Variants in ANKRD10 observed in about 807,000 individuals in gnomAD.
The protein encoded by ANKRD10 is ankyrin repeat domain-containing protein 10.
Under a neutral mutation model 27.0 loss-of-function variants are expected in ANKRD10, and 14 were observed. The observed-to-expected ratio is 0.52, with a 90% CI of 0.34 to 0.81. The LOEUF is 0.81. Ranked by LOEUF, ANKRD10 falls within the 40% of genes least tolerant of loss-of-function variation. The pLI, the probability that ANKRD10 is intolerant of heterozygous loss-of-function variation, is 0.01. For missense variants in ANKRD10, 493 were observed against 544.0 expected (o/e 0.91, Z 0.93); for synonymous variants, 250 against 224.5 (o/e 1.11, Z -1.01).
chr13:110,914,574 G>A, intron 1 of ANKRD10, 151 bp downstream of exon 1: 1 of 1,109,446 alleles, frequency 9.0e-7, no homozygotes, highest in South Asian at 3.6e-5. Flanking sequence ...TGCCGCACAG[G>A]CGCCCTAGGC....
At chr13:110,899,542 T>C (rs1262538591) in intron 3 of ANKRD10, among the ~76,000 whole-genome samples, 1 of 152,224 alleles carries the variant, frequency 6.6e-6, no homozygotes, top group Non-Finnish European at 1.5e-5. Flanking sequence ...AGGTTCAAAC[T>C]GGTTCTAGTT....
At chr13:110,889,581 A>C (rs1428147880) in intron 4 of ANKRD10, among the ~76,000 whole-genome samples, 2 of 152,262 alleles carry the variant, frequency 1.3e-5, no homozygotes, top group African/African-American at 4.8e-5. Context: ...GATCTTTTAC[A>C]TCAACAGCTT....
chr13:110,906,835 C>T (rs956007413), intron 2 of ANKRD10, among the ~76,000 whole-genome samples: 3 of 151,852 alleles, frequency 2.0e-5, no homozygotes, highest in South Asian at 2.1e-4. Flanking sequence ...GGGGTGGCGG[C>T]GGTGGGGAGG....
At chr13:110,907,079 C>CTTTTTTTTTTTTTTTT in intron 2 of ANKRD10, among the ~76,000 whole-genome samples, 4 of 250 alleles carry the variant, frequency 0.016, 2 homozygotes, top group African/African-American at 0.017. Flanking sequence ...AGCAACACTT[C>CTTTTTTTTTTTTTTTT]TTTTTTTTTT....
At chr13:110,892,438 G>GAAAAAAAAAAAAAAAAAAA (rs2065105005) in intron 4 of ANKRD10, among the ~76,000 whole-genome samples, 2 of 11,092 alleles carry the variant, frequency 1.8e-4, no homozygotes, top group African/African-American at 6.6e-4. Flanking sequence ...AAAAAAAAAT[G>GAAAAAAAAAAAAAAAAAAA]GTGGGAGAAT....
chr13:110,882,189 A>C (rs182176476), intron 5 of ANKRD10, among the ~76,000 whole-genome samples: 324 of 152,346 alleles, frequency 2.1e-3, no homozygotes, highest in Non-Finnish European at 3.5e-3. Flanking sequence ...TTTAAAATGC[A>C]AAGATAGCTG....
At chr13:110,894,022 C>G in intron 3 of ANKRD10, 1 of 983,742 alleles carries the variant, frequency 1.0e-6, no homozygotes, top group South Asian at 1.4e-5. Flanking sequence ...GAGACCTCTA[C>G]AGTAGCTAAA....
At chr13:110,904,112 A>C (rs536705784) in intron 3 of ANKRD10, 46 of 152,252 alleles carry the variant, frequency 3.0e-4, no homozygotes, top group Non-Finnish European at 5.9e-4. Context: ...CATATACAAT[A>C]GCAATGAATA....
intron 1 of ANKRD10, chr13:110,911,661 C>T (rs1222727060): frequency 2.0e-5 from 3 of 152,024 alleles, no homozygotes. Context: ...TACCTAGAAT[C>T]CCAGCTACTC....
chr13:110,898,750 CTTT>C (rs56176208), intron 3 of ANKRD10, among the ~76,000 whole-genome samples: 86 of 106,542 alleles, frequency 8.1e-4, no homozygotes, highest in Non-Finnish European at 1.3e-3. Context: ...TTTTTCTTTT[CTTT>C]TTTTTTTTTT....
chr13:110,894,407 A>AAAAAAAAAAC (rs1471765909), intron 3 of ANKRD10: 1 of 205,726 alleles, frequency 4.9e-6, no homozygotes, highest in East Asian at 9.9e-5. Flanking sequence ...TTAATGCAAA[A>AAAAAAAAAAC]AAAAAAAAAA....
chr13:110,880,238 C>A, intron 5 of ANKRD10, 126 bp from the exon 6 acceptor site: 1 of 821,366 alleles, frequency 1.2e-6, no homozygotes, highest in Non-Finnish European at 1.9e-6. Context: ...TAAACCAGTT[C>A]TTTTTTCAAA....
At chr13:110,881,251 A>G (rs1212996263) in intron 5 of ANKRD10, among the ~76,000 whole-genome samples, 1 of 152,230 alleles carries the variant, frequency 6.6e-6, no homozygotes, top group Non-Finnish European at 1.5e-5. Context: ...CTCAGTTCTA[A>G]TAACTTTTAG....
intron 4 of ANKRD10, among the ~76,000 whole-genome samples, chr13:110,888,854 A>T (rs1363039515): frequency 6.6e-6 from 1 of 152,204 alleles, no homozygotes; most frequent in African/African-American, 2.4e-5. Context: ...AAGATCAGTA[A>T]TATGCCTATG....
chr13:110,884,250 A>C (rs1040290525), intron 4 of ANKRD10, among the ~76,000 whole-genome samples: 2 of 152,208 alleles, frequency 1.3e-5, no homozygotes, highest in Non-Finnish European at 2.9e-5. Context: ...GAGACTCAAG[A>C]CTAGTCTGTC....
Position 110,893,397 on chromosome 13 carries a change from T to C in ANKRD10, c.456-134A>G, listed in dbSNP as rs1032030073. On this transcript the variant is annotated intron_variant, in intron 3 of 5. Transcript: ENST00000267339. Reference sequence around the variant, plus strand: ...TCATAGCAAATCTTCATTAAAGAAGTAGTTAATCAATCTAGCTCTGTAACT... The same window carrying C: ...TCATAGCAAATCTTCATTAAAGAAGCAGTTAATCAATCTAGCTCTGTAACT... The C allele has an allele frequency of 1.6e-4, 130 of 796,786 alleles. No individual in the cohort carries two copies. In the South Asian group the frequency reaches 1.7e-3, roughly 10 times the overall value. The allele number at this position is 796,786 out of a possible 1,614,324, so 49.4% of individuals were successfully genotyped here. A position where few individuals can be genotyped will look rare whatever the true frequency, so the allele number is the denominator to read the frequency against.
intron 2 of ANKRD10, among the ~76,000 whole-genome samples, chr13:110,908,623 A>G (rs1566492946): frequency 6.6e-6 from 1 of 152,216 alleles, no homozygotes. Context: ...CTGAGTTTAT[A>G]TGAGAAATGA....
intron 2 of ANKRD10, among the ~76,000 whole-genome samples, chr13:110,910,375 T>C (rs535116821): frequency 6.6e-6 from 1 of 152,290 alleles, no homozygotes; most frequent in African/African-American, 2.4e-5. Flanking sequence ...GCTATAACCT[T>C]GGGCACATCA....
chr13:110,911,912 G>A (rs1310762971), intron 1 of ANKRD10: 1 of 152,210 alleles, frequency 6.6e-6, no homozygotes, highest in Non-Finnish European at 1.5e-5. Flanking sequence ...AATACTCATT[G>A]AATAATCAAT....
Sources: gnomAD v4.1 joint callset for allele counts (sites outside exome capture counted in the v4.1 genomes callset) on GRCh38, gnomAD v4.1.1 for gene constraint, MANE v1.5 for transcripts, NCBI Gene and HGNC (gene_info 2026-07-23, HGNC 2026-07-21) for gene names.